Variants in RGPD1 observed in about 807,000 individuals in gnomAD.
RGPD1 encodes the protein RANBP2 like and GRIP domain containing 1.
A neutral mutation model predicts 40.6 loss-of-function variants in RGPD1; 7 were observed. The observed-to-expected ratio is 0.17, with a 90% CI of 0.10 to 0.32. The LOEUF is 0.32. Among genes scored for constraint, RGPD1 ranks in the 10% least tolerant of loss-of-function variants. The pLI is 1.00. For missense variants in RGPD1, 50 were observed against 472.5 expected, an observed-to-expected ratio of 0.11 and a Z score of 8.29; for synonymous variants, 24 against 167.0, an observed-to-expected ratio of 0.14 and a Z score of 6.60.
chr2:86,913,771 C>T (rs1167051438), upstream of RGPD1: 59 of 1,419,584 alleles, frequency 4.2e-5, 4 homozygotes, highest in South Asian at 5.3e-4. Context: ...GGCTTTCAGG[C>T]GCTTTCCTGT....
intron 1 of RGPD1, among the ~76,000 whole-genome samples, chr2:86,929,445 A>G (rs28665479): frequency 0.58 from 86,515 of 149,420 alleles, 26,779 homozygotes; most frequent in African/African-American, 0.8. Context: ...TCAGACACAG[A>G]AATGTTAATT....
rs1678162505 is a variant in RGPD1 at position 86,923,192 on chromosome 2, C to T, written c.72+9271C>T. On this transcript the variant is annotated intron_variant, in intron 1 of 22. Transcript: ENST00000398193. ...TAGCTGGGATTACAGGCGCCCGCCA[C>T]CATGCCCGGCTAATTTTTGTAGTTT... 7.3e-5 allele frequency among the ~76,000 whole-genome samples: 11 copies of T among 149,976 alleles called. No homozygotes were observed. The South Asian group carries it at 2.3e-3, about 32-fold the overall frequency.
intron 1 of RGPD1, among the ~76,000 whole-genome samples, chr2:86,915,197 G>A (rs1243294419): frequency 6.6e-6 from 1 of 150,510 alleles, no homozygotes. Context: ...TTGGGAGTCT[G>A]AGGCAGGAGA....
intron 1 of RGPD1, among the ~76,000 whole-genome samples, chr2:86,925,781 G>A (rs1678446781): frequency 6.6e-6 from 1 of 152,026 alleles, no homozygotes; most frequent in East Asian, 1.9e-4. Flanking sequence ...GTATGCCTAG[G>A]CTGGTCTCGA....
At chr2:87,011,134 T>C (rs1682203827) in intron 22 of RGPD1, 1 of 423,912 alleles carries the variant, frequency 2.4e-6, no homozygotes, top group Non-Finnish European at 4.1e-6. Context: ...ATCAGTAGTA[T>C]AGCACCAGGG....
chr2:86,944,495 C>G (rs1363394704), intron 1 of RGPD1, among the ~76,000 whole-genome samples: 1 of 151,936 alleles, frequency 6.6e-6, no homozygotes, highest in Non-Finnish European at 1.5e-5. Context: ...TTCCGCCTCC[C>G]CAGCTCAAGC....
chr2:86,934,742 G>A (rs1679227301), intron 1 of RGPD1: 1 of 198,952 alleles, frequency 5.0e-6, no homozygotes, highest in Admixed American at 5.9e-5. Flanking sequence ...TGCGCCTGCT[G>A]GGTTTCCGAA....
chr2:86,939,173 C>CA (rs1477991634), upstream of RGPD1, among the ~76,000 whole-genome samples: 5 of 90,936 alleles, frequency 5.5e-5, 1 homozygote, highest in African/African-American at 1.4e-4. Context: ...TACCACTGAA[C>CA]AAAAAAAAAG....
chr2:86,938,581 CA>C, upstream of RGPD1, among the ~76,000 whole-genome samples: 1 of 146,426 alleles, frequency 6.8e-6, no homozygotes, highest in Non-Finnish European at 1.5e-5. Flanking sequence ...CATATTCAGA[CA>C]AAGCAAGACT....
At chr2:86,935,929 T>A (rs1679317647) in intron 1 of RGPD1, among the ~76,000 whole-genome samples, 1 of 147,436 alleles carries the variant, frequency 6.8e-6, no homozygotes. Flanking sequence ...GCACTACTTC[T>A]TCCATCTTGC....
chr2:86,951,873 G>GTT (rs71269535), intron 2 of RGPD1, among the ~76,000 whole-genome samples: 747 of 50,926 alleles, frequency 0.015, 29 homozygotes, highest in African/African-American at 0.068. Flanking sequence ...GGGAGGCAGG[G>GTT]TTTTTTTTTT....
intron 6 of RGPD1, among the ~76,000 whole-genome samples, chr2:86,962,533 A>C (rs1299547176): frequency 1.8e-5 from 2 of 112,652 alleles, no homozygotes; most frequent in Non-Finnish European, 3.4e-5. Context: ...AAAAAAAAAA[A>C]GACAATTTAT....
intron 1 of RGPD1, among the ~76,000 whole-genome samples, chr2:86,947,515 C>G (rs990839317): frequency 4.5e-4 from 43 of 96,602 alleles, no homozygotes; most frequent in African/African-American, 1.5e-3. Flanking sequence ...GAGTCTTGTT[C>G]TTGGTAACAA....
chr2:86,931,079 G>A (rs201854267), intron 1 of RGPD1, among the ~76,000 whole-genome samples: 28,058 of 111,118 alleles, frequency 0.25, 4,321 homozygotes, highest in East Asian at 0.43. Context: ...TAACAACAAG[G>A]GAGTTGATTA....
At position 87,000,353 on chromosome 2, in the gene RGPD1, G is replaced by A. The variant is rs954768085; in HGVS notation, c.5236+2595G>A. Among the ~76,000 whole-genome samples the A allele has an allele frequency of 6.7e-5, 8 of 119,032 alleles. 2 individuals are homozygous for A. Among genetic ancestry groups the A allele is most frequent in the African/African-American group, 3.2e-4 (7 of 21,942 alleles). The allele number at this position is 119,032 out of a possible 152,430, so 78.1% of individuals were successfully genotyped here. A position where few individuals can be genotyped will look rare whatever the true frequency, so the allele number is the denominator to read the frequency against. ...TAATGTAGACGTTGCTAACGTCCAG[G>A]TGGCTCCTATAAGTTAAGGGTCCAT... On this transcript the variant is annotated intron_variant, in intron 22 of 22. Coordinates refer to ENST00000641458, the MANE Select transcript of RGPD1 (RefSeq NM_001382344.1).
At chr2:86,924,598 AG>A (rs1678325132) in intron 1 of RGPD1, among the ~76,000 whole-genome samples, 1 of 150,432 alleles carries the variant, frequency 6.6e-6, no homozygotes, top group Non-Finnish European at 1.5e-5. Context: ...CCAAGTGGCT[AG>A]GACTACCGGT....
chr2:86,914,378 G>GGGC lies in RGPD1; in HGVS notation c.72+482_72+484dup, dbSNP rs1216392183. ...CGGCGGCGGCGGCCTCGACCTGGCC[G>GGGC]GGCGGCGGCGGCGGCGGCGGCGGCG... On this transcript the variant is annotated intron_variant, in intron 1 of 22. Coordinates refer to the RGPD1 transcript ENST00000398193. 9.0e-4 allele frequency among the ~76,000 whole-genome samples: 7 copies of GGGC among 7,744 alleles called. 1 individual carries two copies. Among genetic ancestry groups the GGGC allele is most frequent in the Non-Finnish European group, 1.5e-3 (7 of 4,674 alleles). 5.1% of individuals were successfully genotyped at this position (7,744 alleles called of 152,430 possible). A position where few individuals can be genotyped will look rare whatever the true frequency, so the allele number is the denominator to read the frequency against.
intron 20 of RGPD1, among the ~76,000 whole-genome samples, chr2:86,988,452 AAAAAAAAC>A (rs1573644036): frequency 9.7e-6 from 1 of 103,292 alleles, no homozygotes; most frequent in Non-Finnish European, 2.0e-5. Flanking sequence ...AAAAAAAAAA[AAAAAAAAC>A]AAAAAAACAA....
chr2:86,930,594 T>C (rs1410545166), intron 1 of RGPD1: 8 of 1,611,128 alleles, frequency 5.0e-6, no homozygotes, highest in Non-Finnish European at 6.8e-6. Flanking sequence ...CCAGAGCTCA[T>C]AGTAGTAGGT....
Sources: allele counts gnomAD v4.1 joint callset (sites outside exome capture counted in the v4.1 genomes callset), GRCh38; gene constraint gnomAD v4.1.1; transcripts MANE v1.5; gene names NCBI Gene and HGNC (gene_info 2026-07-23, HGNC 2026-07-21).